JMJD1C: variants seen among roughly 807,000 people sequenced by gnomAD.
JMJD1C encodes the protein jumonji domain containing 1C.
JMJD1C carries 31 observed loss-of-function variants against 245.3 expected under a neutral mutation model. That is an observed-to-expected ratio of 0.13 (90% CI 0.09 to 0.17). The LOEUF is 0.17. Among genes scored for constraint, JMJD1C ranks in the 10% least tolerant of loss-of-function variants. JMJD1C has a pLI of 1.00. For synonymous variants in JMJD1C, 1,057 were observed against 1,017.4 expected, an observed-to-expected ratio of 1.04 and a Z score of -0.74; for missense variants, 2,691 against 3,000.2, an observed-to-expected ratio of 0.90 and a Z score of 2.41.
intron 24 of JMJD1C, among the ~76,000 whole-genome samples, chr10:63,171,477 A>T (rs1842352749): frequency 6.6e-6 from 1 of 152,246 alleles, no homozygotes; most frequent in Non-Finnish European, 1.5e-5. Context: ...GGCAATGGTC[A>T]TTGCTGACGG....
chr10:63,459,284 T>C (rs775240485), intron 1 of JMJD1C, among the ~76,000 whole-genome samples: 1 of 152,204 alleles, frequency 6.6e-6, no homozygotes, highest in Non-Finnish European at 1.5e-5. Flanking sequence ...GCTACAGCTA[T>C]TTGAATTTCA....
At chr10:63,295,061 G>C (rs1334062479) in intron 2 of JMJD1C, among the ~76,000 whole-genome samples, 1 of 151,788 alleles carries the variant, frequency 6.6e-6, no homozygotes, top group Non-Finnish European at 1.5e-5. Flanking sequence ...GATTCTTTCT[G>C]AAGTAGTTAA....
At chr10:63,180,870 G>A (rs900824434) in intron 22 of JMJD1C, among the ~76,000 whole-genome samples, 10 of 150,860 alleles carry the variant, frequency 6.6e-5, no homozygotes, top group Admixed American at 5.3e-4. Context: ...CCGGGTTCAC[G>A]CCATTCTCCT....
chr10:63,382,003 G>A (rs1218443430), intron 1 of JMJD1C, among the ~76,000 whole-genome samples: 1 of 152,172 alleles, frequency 6.6e-6, no homozygotes, highest in Admixed American at 6.5e-5. Context: ...CCTGAGGTCA[G>A]GAGTTCGAGA....
chr10:63,438,075 TTAAC>T (rs1298838411), intron 1 of JMJD1C, among the ~76,000 whole-genome samples: 1 of 152,146 alleles, frequency 6.6e-6, no homozygotes, highest in Non-Finnish European at 1.5e-5. Context: ...ACCTCTCCCT[TTAAC>T]TAACAAACAT....
At chr10:63,484,236 G>GGATGGATGGATAGATA (rs1416097314) in intron 1 of JMJD1C, among the ~76,000 whole-genome samples, 31 of 92,748 alleles carry the variant, frequency 3.3e-4, no homozygotes, top group African/African-American at 7.2e-4. Context: ...ATGGATGGAT[G>GGATGGATGGATAGATA]GATAGATAGA....
At position 63,205,120 on chromosome 10, in the gene JMJD1C, CTCT is replaced by C. The variant is rs1380581800; in HGVS notation, c.5074+1472_5074+1474del. 3 of 702,606 alleles carry C rather than the reference CTCT, an allele frequency of 4.3e-6. No individual in the cohort carries two copies. The African/African-American group carries it at 5.8e-5, about 14-fold the overall frequency. 43.5% of individuals were successfully genotyped at this position (702,606 alleles called of 1,614,324 possible). A position where few individuals can be genotyped will look rare whatever the true frequency, so the allele number is the denominator to read the frequency against. On this transcript the variant is annotated intron_variant, in intron 10 of 25. Transcript: ENST00000399262. ...TATAGTGAATATTACTGTTAAGTATCTCTTATTTTGTCCAGCTGTTGCCACAAA... is the reference window on the plus strand; with the variant it reads ...TATAGTGAATATTACTGTTAAGTATCTATTTTGTCCAGCTGTTGCCACAAA...
At chr10:63,300,276 T>A (rs1859922649) in intron 2 of JMJD1C, among the ~76,000 whole-genome samples, 1 of 152,094 alleles carries the variant, frequency 6.6e-6, no homozygotes, top group Non-Finnish European at 1.5e-5. Context: ...TGACAAACTA[T>A]CCTCCCATAG....
intron 1 of JMJD1C, among the ~76,000 whole-genome samples, chr10:63,409,466 G>A (rs1442354408): frequency 2.6e-5 from 4 of 152,240 alleles, no homozygotes; most frequent in South Asian, 4.1e-4. Context: ...AGGCAGTAAC[G>A]TGAATGGTTA....
In JMJD1C at chr10:63,215,616, A is replaced by G. The variant is rs34037273; in HGVS notation, c.759T>C (p.Gly253=). Reference sequence around the variant, plus strand: ...GTCGTGATGTAATGCCAATATTTTCACCTTTTAACAAAGAGTGAACAACAT... The same window carrying G: ...GTCGTGATGTAATGCCAATATTTTCGCCTTTTAACAAAGAGTGAACAACAT... ...LDDVVHSLLK[G]ENIGITSRRR... is the part of the protein sequence containing the mutation. Residue 253 remains glycine, a synonymous_variant, in exon 6 of 26, where the codon GGT becomes GGC. Transcript: ENST00000399262. The G allele has an allele frequency of 4.2e-3, 6,735 of 1,611,448 alleles. 217 individuals are homozygous for G. The African/African-American group carries it at 0.075, about 18-fold the overall frequency.
Position 63,209,150 on chromosome 10 carries a change from G to C in JMJD1C, c.2780C>G (p.Pro927Arg). The change falls in exon 9 of 26, where the codon CCT (proline) becomes CGT (arginine). Residue 927 changes from proline to arginine, a missense_variant. Pro to Arg is a moderately radical substitution (Grantham distance 103, BLOSUM62 -2). Coordinates refer to ENST00000399262, the MANE Select transcript of JMJD1C (RefSeq NM_032776.3). Reference sequence around the variant, plus strand: ...AGGCCGATGAGGCTCTGCACTGGAAGGTCTGACAGGAATGTGACTAAGTAA... The same window carrying C: ...AGGCCGATGAGGCTCTGCACTGGAACGTCTGACAGGAATGTGACTAAGTAA... ...IGLLSHIPVRPSSAEPHRPLK... is the reference protein window; with the variant it reads ...IGLLSHIPVRRSSAEPHRPLK... 6.2e-7 allele frequency: 1 copy of C among 1,613,906 alleles called. No homozygotes were observed. The highest frequency in any genetic ancestry group is 8.5e-7 in the Non-Finnish European group (1 of 1,179,860).
At chr10:63,325,777 A>G (rs962395031) in intron 2 of JMJD1C, among the ~76,000 whole-genome samples, 2 of 152,242 alleles carry the variant, frequency 1.3e-5, no homozygotes, top group African/African-American at 4.8e-5. Context: ...TTCTGGACAC[A>G]GTTAAACATA....
intron 2 of JMJD1C, among the ~76,000 whole-genome samples, chr10:63,276,924 G>A (rs1231698797): frequency 8.9e-6 from 1 of 112,574 alleles, no homozygotes; most frequent in South Asian, 3.0e-4. Flanking sequence ...TCGCTCTGTC[G>A]CCCAGGCTGG....
At chr10:63,485,586 A>G (rs954905730) in intron 1 of JMJD1C, among the ~76,000 whole-genome samples, 1 of 152,248 alleles carries the variant, frequency 6.6e-6, no homozygotes, top group African/African-American at 2.4e-5. Context: ...GGTATTAAAA[A>G]TAAATCCAAA....
At chr10:63,179,973 A>G (rs943897862) in intron 22 of JMJD1C, among the ~76,000 whole-genome samples, 1 of 152,110 alleles carries the variant, frequency 6.6e-6, no homozygotes, top group African/African-American at 2.4e-5. Flanking sequence ...TTTATATTCA[A>G]ACTTAGCTGC....
chr10:63,429,634 G>C (rs1465306713), intron 1 of JMJD1C, among the ~76,000 whole-genome samples: 1 of 152,180 alleles, frequency 6.6e-6, no homozygotes, highest in Non-Finnish European at 1.5e-5. Flanking sequence ...GTGAGCAAAG[G>C]TTTTCCTATT....
chr10:63,489,821 A>G (rs1954110360), intron 1 of JMJD1C, among the ~76,000 whole-genome samples: 1 of 152,124 alleles, frequency 6.6e-6, no homozygotes. Context: ...CCACTTTTCC[A>G]GGTTCTATAC....
At position 63,192,214 on chromosome 10, in the gene JMJD1C, A is replaced by C. The variant is rs1183725644; in HGVS notation, c.6076+724T>G. The stretch of plus-strand genomic sequence containing the variant: ...TAGACTGCTTGAGCCCAGGAGTTCA[A>C]GAACAATCTGGGCAACATGGCGAAA... On this transcript the variant is annotated intron_variant, in intron 16 of 25. Coordinates refer to ENST00000399262, the MANE Select transcript of JMJD1C (RefSeq NM_032776.3). Among the ~76,000 whole-genome samples, 3 of 146,644 alleles carry C rather than the reference A, an allele frequency of 2.0e-5. No homozygotes were observed. In the Admixed American group the frequency reaches 2.1e-4, roughly 10 times the overall value.
chr10:63,347,595 A>AG (rs906719434), intron 2 of JMJD1C, among the ~76,000 whole-genome samples: 5 of 150,170 alleles, frequency 3.3e-5, no homozygotes, highest in African/African-American at 7.4e-5. Flanking sequence ...AAAAAAAAAA[A>AG]AAAGAAAGAA....
Sources: gnomAD v4.1 joint callset for allele counts (sites outside exome capture counted in the v4.1 genomes callset) on GRCh38, gnomAD v4.1.1 for gene constraint, MANE v1.5 for transcripts, NCBI Gene and HGNC (gene_info 2026-07-23, HGNC 2026-07-21) for gene names.